The following ZC3H12B variants were observed in gnomAD, a reference collection of about 807,000 sequenced individuals.
ZC3H12B encodes probable ribonuclease ZC3H12B.
In ZC3H12B, 7 loss-of-function variants were observed where a neutral mutation model predicts 43.9. The observed-to-expected ratio is 0.16, with a 90% CI of 0.09 to 0.30. The LOEUF (loss-of-function observed/expected upper bound fraction) is 0.30. Among genes scored for constraint, ZC3H12B ranks in the 10% least tolerant of loss-of-function variants. The pLI, the probability that ZC3H12B is intolerant of heterozygous loss-of-function variation, is 1.00. For missense variants in ZC3H12B, 475 were observed against 670.2 expected, an observed-to-expected ratio of 0.71 and a Z score of 3.22; for synonymous variants, 222 against 241.7, an observed-to-expected ratio of 0.92 and a Z score of 0.76.
At chrX:65,057,242 T>A in the ZC3H12B span, among the ~76,000 whole-genome samples, 1 of 112,064 alleles carries the variant, frequency 8.9e-6, no homozygotes, top group Non-Finnish European at 1.9e-5. Context: ...TTTCTATGTT[T>A]AGTGCTTCCT....
At chrX:65,262,237 C>T in the ZC3H12B span, among the ~76,000 whole-genome samples, 1 of 110,944 alleles carries the variant, frequency 9.0e-6, no homozygotes. Flanking sequence ...CATTTGACCT[C>T]AATTATATGG....
the ZC3H12B span, among the ~76,000 whole-genome samples, chrX:65,269,777 G>A: frequency 9.1e-6 from 1 of 109,994 alleles, no homozygotes; most frequent in Non-Finnish European, 1.9e-5. Context: ...TGGGCTTAAA[G>A]GAATAAGCCA....
At chrX:65,134,901 C>T in the ZC3H12B span, among the ~76,000 whole-genome samples, 3 of 110,798 alleles carry the variant, frequency 2.7e-5, no homozygotes, top group Non-Finnish European at 5.7e-5. Flanking sequence ...CTCTGGCAGG[C>T]AGGGGCGGGA....
the ZC3H12B span, among the ~76,000 whole-genome samples, chrX:65,252,077 A>T: frequency 8.0e-5 from 9 of 111,928 alleles, no homozygotes; most frequent in Non-Finnish European, 1.7e-4. Flanking sequence ...TGGGTTTGTC[A>T]TAAATAGATC....
the ZC3H12B span, among the ~76,000 whole-genome samples, chrX:65,065,971 G>A: frequency 1.5e-4 from 16 of 106,857 alleles, no homozygotes; most frequent in African/African-American, 4.8e-4. Context: ...CAAAGTCCTC[G>A]TTCTGTGTTT....
At chrX:65,186,825 G>C in the ZC3H12B span, among the ~76,000 whole-genome samples, 1 of 111,779 alleles carries the variant, frequency 8.9e-6, no homozygotes, top group East Asian at 2.8e-4. Context: ...TGGAATAATA[G>C]TCTCCAATTC....
At chrX:65,294,441 A>G in the ZC3H12B span, among the ~76,000 whole-genome samples, 1 of 111,538 alleles carries the variant, frequency 9.0e-6, no homozygotes, top group Non-Finnish European at 1.9e-5. Flanking sequence ...AAACAATAAC[A>G]TAATGACAAA....
At chrX:65,109,016 C>T in the ZC3H12B span, among the ~76,000 whole-genome samples, 1 of 111,478 alleles carries the variant, frequency 9.0e-6, no homozygotes, top group South Asian at 3.7e-4. Flanking sequence ...CCAGCTTTTG[C>T]CTGAAACGTC....
At chrX:65,153,184 A>T in the ZC3H12B span, among the ~76,000 whole-genome samples, 2 of 112,215 alleles carry the variant, frequency 1.8e-5, no homozygotes, top group African/African-American at 6.5e-5. Flanking sequence ...CAAGGACTTA[A>T]TGTCTAAAAC....
intron 3 of ZC3H12B, among the ~76,000 whole-genome samples, chrX:65,473,371 C>T (rs1193995240): frequency 3.6e-5 from 4 of 111,098 alleles, no homozygotes; most frequent in African/African-American, 1.3e-4. Context: ...TCCTCTTGCC[C>T]AAAATTTCTT....
intron 3 of ZC3H12B, among the ~76,000 whole-genome samples, chrX:65,412,916 A>G (rs1418969041): frequency 1.8e-5 from 2 of 111,161 alleles, no homozygotes; most frequent in Non-Finnish European, 3.8e-5. Context: ...TTCCACCAGC[A>G]GTGTTTAAGG....
the ZC3H12B span, among the ~76,000 whole-genome samples, chrX:65,150,214 A>C: frequency 1.8e-5 from 2 of 110,880 alleles, no homozygotes; most frequent in Admixed American, 1.9e-4. Context: ...ACTGAACATA[A>C]AGGTGGCAGG....
the ZC3H12B span, among the ~76,000 whole-genome samples, chrX:65,129,835 C>A: frequency 9.1e-6 from 1 of 110,446 alleles, no homozygotes; most frequent in Non-Finnish European, 1.9e-5. Context: ...GGCATGGGAA[C>A]CTAGAGTGGG....
At chrX:65,184,882 C>T in the ZC3H12B span, 1 of 111,226 alleles carries the variant, frequency 9.0e-6, no homozygotes, top group Admixed American at 9.6e-5. Context: ...TAATTGACAC[C>T]TAATAATTAT....
chrX:65,422,441 A>G (rs778488365), intron 3 of ZC3H12B, among the ~76,000 whole-genome samples: 10 of 112,234 alleles, frequency 8.9e-5, no homozygotes, highest in Non-Finnish European at 1.7e-4. Flanking sequence ...ATGGGTCCCA[A>G]ATTGACAAAG....
the ZC3H12B span, among the ~76,000 whole-genome samples, chrX:65,320,084 A>G: frequency 1.5e-4 from 17 of 111,375 alleles, no homozygotes; most frequent in South Asian, 7.6e-4. Context: ...TAGCACACAA[A>G]TAAGAAGAGA....
intron 2 of ZC3H12B, among the ~76,000 whole-genome samples, chrX:65,380,780 A>G (rs747431005): frequency 9.0e-6 from 1 of 111,271 alleles, no homozygotes; most frequent in East Asian, 2.8e-4. Flanking sequence ...AAACAAATGG[A>G]AAACAAAGGC....
chrX:65,455,486 C>A (rs1189126958), intron 3 of ZC3H12B, among the ~76,000 whole-genome samples: 1 of 111,545 alleles, frequency 9.0e-6, no homozygotes, highest in Non-Finnish European at 1.9e-5. Flanking sequence ...GTGAAAAGAC[C>A]AAATCTATGT....
chrX:65,187,503 G>C, the ZC3H12B span, among the ~76,000 whole-genome samples: 1 of 111,643 alleles, frequency 9.0e-6, no homozygotes, highest in Non-Finnish European at 1.9e-5. Context: ...ATTCAGAGGA[G>C]ATTACCAAAG....
Sources: gnomAD v4.1 joint callset for allele counts (sites outside exome capture counted in the v4.1 genomes callset) on GRCh38, gnomAD v4.1.1 for gene constraint, MANE v1.5 for transcripts, NCBI Gene and HGNC (gene_info 2026-07-23, HGNC 2026-07-21) for gene names.